CHRM2: variants seen among roughly 807,000 people sequenced by gnomAD.
The protein encoded by CHRM2 is muscarinic acetylcholine receptor M2.
A neutral mutation model predicts 25.0 loss-of-function variants in CHRM2; 8 were observed. The observed-to-expected ratio is 0.32, with a 90% CI of 0.19 to 0.58. CHRM2 has a LOEUF of 0.58. CHRM2 is among the 20% of genes least tolerant of loss of function. The probability of loss-of-function intolerance (pLI) is 0.88; values close to 1 mark genes in which losing one functional copy is unlikely to be tolerated. For missense variants in CHRM2, 440 were observed against 567.1 expected, an observed-to-expected ratio of 0.78 and a Z score of 2.28; for synonymous variants, 202 against 205.7, an observed-to-expected ratio of 0.98 and a Z score of 0.15.
chr7:136,939,935 C>A (rs913057113), intron 2 of CHRM2, among the ~76,000 whole-genome samples: 1 of 152,186 alleles, frequency 6.6e-6, no homozygotes, highest in Non-Finnish European at 1.5e-5. Flanking sequence ...CTAGGAACAG[C>A]TTACTAGGTA....
chr7:136,908,194 A>T (rs1288817869), intron 2 of CHRM2, among the ~76,000 whole-genome samples: 1 of 151,946 alleles, frequency 6.6e-6, no homozygotes, highest in African/African-American at 2.4e-5. Flanking sequence ...ATGAGATTAC[A>T]GTTTTAGATC....
At chr7:136,925,298 A>G (rs905863203) in intron 2 of CHRM2, among the ~76,000 whole-genome samples, 2 of 151,992 alleles carry the variant, frequency 1.3e-5, no homozygotes, top group African/African-American at 2.4e-5. Flanking sequence ...AGAAACTTCT[A>G]TCTTTTTTTA....
rs568992917 is a variant in CHRM2 at position 136,998,404 on chromosome 7, T to A, written c.-47+6140T>A. 1.5e-3 allele frequency among the ~76,000 whole-genome samples: 235 copies of A among 152,296 alleles called. 1 individual carries two copies. The highest frequency in any genetic ancestry group is 5.6e-3 in the African/African-American group (231 of 41,580). On this transcript the variant is annotated intron_variant, in intron 3 of 3. Transcript: ENST00000680005. ...GAGAGATTGAGTTGTTTTCTTTTTG[T>A]AGATACACAGGGTACAGTATTTAGG... is the stretch of plus-strand genomic sequence containing the variant.
chr7:137,016,824 TAA>T lies in CHRM2; in HGVS notation c.*560_*561del, dbSNP rs1805219129. 1 of 167,402 alleles carries T rather than the reference TAA, an allele frequency of 6.0e-6. No homozygotes were observed. Among genetic ancestry groups the T allele is most frequent in the Admixed American group, 6.5e-5 (1 of 15,294 alleles). The allele number at this position is 167,402 out of a possible 1,614,324, so 10.4% of individuals were successfully genotyped here. A position where few individuals can be genotyped will look rare whatever the true frequency, so the allele number is the denominator to read the frequency against. ...TCCTATTTAGAGGATTGGAATGTAA[TAA>T]ATGCTTATTTTTTGCCTTTCTTTTT... On this transcript the variant is annotated 3_prime_UTR_variant, in exon 4 of 4. Transcript: ENST00000680005.
At chr7:136,910,830 T>TGTGTGTGTGTGTGTGTGA (rs377403672) in intron 2 of CHRM2, among the ~76,000 whole-genome samples, 3 of 149,614 alleles carry the variant, frequency 2.0e-5, no homozygotes, top group African/African-American at 7.5e-5. Flanking sequence ...TGTGTGTGTG[T>TGTGTGTGTGTGTGTGTGA]GAGAGAGAGA....
At chr7:136,898,999 G>T (rs914832141) in intron 2 of CHRM2, 2 of 151,912 alleles carry the variant, frequency 1.3e-5, no homozygotes, top group Non-Finnish European at 2.9e-5. Flanking sequence ...GTTGATGTAT[G>T]GTTTATGATG....
At chr7:136,871,298 T>G (rs1401507025) in intron 2 of CHRM2, 1 of 152,318 alleles carries the variant, frequency 6.6e-6, no homozygotes, top group African/African-American at 2.4e-5. Flanking sequence ...TGAGGGCTCC[T>G]GCGGCTGCAG....
chr7:136,969,921 G>A (rs1486948188), intron 2 of CHRM2, among the ~76,000 whole-genome samples: 1 of 152,138 alleles, frequency 6.6e-6, no homozygotes, highest in Non-Finnish European at 1.5e-5. Context: ...CCGGTAGCTG[G>A]GAAGTCCAAG....
chr7:137,009,908 C>T (rs1229719269), intron 3 of CHRM2, among the ~76,000 whole-genome samples: 1 of 151,858 alleles, frequency 6.6e-6, no homozygotes, highest in African/African-American at 2.4e-5. Context: ...CCCATACCTT[C>T]CCACTCTTAA....
intron 2 of CHRM2, among the ~76,000 whole-genome samples, chr7:136,880,116 G>A (rs568160498): frequency 6.6e-6 from 1 of 150,826 alleles, no homozygotes; most frequent in Non-Finnish European, 1.5e-5. Flanking sequence ...ATCTTAGTGC[G>A]TAAGGTTTGT....
chr7:136,878,071 A>G (rs1426009901), intron 2 of CHRM2, among the ~76,000 whole-genome samples: 3 of 151,982 alleles, frequency 2.0e-5, no homozygotes, highest in Non-Finnish European at 4.4e-5. Context: ...ATTTTCTAAT[A>G]CTCTGCCTTC....
intron 3 of CHRM2, among the ~76,000 whole-genome samples, chr7:136,993,025 G>C (rs748621338): frequency 2.0e-5 from 3 of 152,148 alleles, no homozygotes; most frequent in Non-Finnish European, 4.4e-5. Context: ...GCAACACCTA[G>C]ATTTGTGTTT....
intron 2 of CHRM2, among the ~76,000 whole-genome samples, chr7:136,968,017 T>G (rs1298520782): frequency 6.6e-6 from 1 of 152,070 alleles, no homozygotes; most frequent in Non-Finnish European, 1.5e-5. Context: ...GTGGACATTG[T>G]GTTCACTGCT....
intron 3 of CHRM2, among the ~76,000 whole-genome samples, chr7:137,006,083 G>T: frequency 6.6e-6 from 1 of 152,018 alleles, no homozygotes; most frequent in East Asian, 1.9e-4. Context: ...AGAGCACATT[G>T]TTTAGTCAGC....
Position 136,882,028 on chromosome 7 carries a change from CAG to C in CHRM2, c.-125+12613_-125+12614del, listed in dbSNP as rs1356228841. Among the ~76,000 whole-genome samples the C allele has an allele frequency of 2.0e-5, 3 of 152,114 alleles. No homozygotes were observed. In the East Asian group the frequency reaches 5.8e-4, roughly 29 times the overall value. On this transcript the variant is annotated intron_variant, in intron 2 of 3. Coordinates refer to ENST00000680005, the MANE Select transcript of CHRM2 (RefSeq NM_001006630.2). ...TCTTTTTTGTTTTACCAATAGCAGA[CAG>C]AGTATTCTTGTTCCTATTTGAGAAG...
intron 2 of CHRM2, among the ~76,000 whole-genome samples, chr7:136,983,058 C>T (rs1016836887): frequency 6.6e-6 from 1 of 152,136 alleles, no homozygotes; most frequent in African/African-American, 2.4e-5. Context: ...TTCCGTTCTC[C>T]CCATCACTTT....
chr7:136,965,319 G>T (rs1299214846), intron 2 of CHRM2, among the ~76,000 whole-genome samples: 2 of 151,904 alleles, frequency 1.3e-5, no homozygotes, highest in Non-Finnish European at 2.9e-5. Flanking sequence ...AAATCTGAAA[G>T]AAATGTCTTG....
At chr7:136,954,719 G>A in intron 2 of CHRM2, among the ~76,000 whole-genome samples, 1 of 152,294 alleles carries the variant, frequency 6.6e-6, no homozygotes, top group Non-Finnish European at 1.5e-5. Context: ...ACTGTGATTG[G>A]AGCCCAGGAA....
chr7:136,923,511 T>C (rs1447925037), intron 2 of CHRM2, among the ~76,000 whole-genome samples: 1 of 152,152 alleles, frequency 6.6e-6, no homozygotes, highest in Admixed American at 6.5e-5. Flanking sequence ...CAGCCAATGT[T>C]AAGCACAGAG....
Sources: allele counts gnomAD v4.1 joint callset (sites outside exome capture counted in the v4.1 genomes callset), GRCh38; gene constraint gnomAD v4.1.1; transcripts MANE v1.5; gene names NCBI Gene and HGNC (gene_info 2026-07-23, HGNC 2026-07-21).